The following SATB2 variants were observed in gnomAD, a reference collection of about 807,000 sequenced individuals.
SATB2 encodes the protein SATB homeobox 2, also known as DNA-binding protein SATB2.
SATB2 carries 1 observed loss-of-function variant against 73.4 expected under a neutral mutation model. The ratio of observed to expected loss-of-function variants is 0.01; its 90% confidence interval spans 0.00 to 0.06. SATB2 has a LOEUF of 0.06. Among genes scored for constraint, SATB2 ranks in the 10% least tolerant of loss-of-function variants. The pLI is 1.00. For synonymous variants in SATB2, 397 were observed against 367.0 expected (o/e 1.08, Z -0.93); for missense variants, 459 against 945.8 (o/e 0.49, Z 6.75).
At chr2:199,403,821 CA>C (rs1313884062) in intron 3 of SATB2, among the ~76,000 whole-genome samples, 1 of 152,154 alleles carries the variant, frequency 6.6e-6, no homozygotes, top group Non-Finnish European at 1.5e-5. Flanking sequence ...CAAATTAAAT[CA>C]ATCTGGTCGG....
chr2:199,304,990 T>C (rs1233330063), intron 10 of SATB2, among the ~76,000 whole-genome samples: 1 of 152,094 alleles, frequency 6.6e-6, no homozygotes, highest in East Asian at 1.9e-4. Flanking sequence ...CACTTAAGCA[T>C]GCAAAAAATT....
intron 6 of SATB2, among the ~76,000 whole-genome samples, chr2:199,353,242 C>T (rs951121193): frequency 1.3e-5 from 2 of 148,490 alleles, no homozygotes; most frequent in South Asian, 4.3e-4. Context: ...GCAACCTCCA[C>T]CTCCCAGGTT....
At chr2:199,429,904 C>T (rs951947249) in intron 3 of SATB2, among the ~76,000 whole-genome samples, 3 of 151,960 alleles carry the variant, frequency 2.0e-5, no homozygotes, top group African/African-American at 4.8e-5. Flanking sequence ...AGCGAGACTC[C>T]GTCTCGAAAT....
rs140878661 is a variant in SATB2 at position 199,270,596 on chromosome 2, G to C, written c.*1615C>G. The C allele has an allele frequency of 0.014, 2,112 of 152,182 alleles. 37 individuals are homozygous for C. The highest frequency in any genetic ancestry group is 0.024 in the Non-Finnish European group (1,618 of 67,988). The allele number at this position is 152,182 out of a possible 1,614,324, so 9.4% of individuals were successfully genotyped here. The stretch of plus-strand genomic sequence containing the variant: ...TACGTTCACTAGGCCAGTCCTGAAT[G>C]TGAGGTCTCCTCTTGCAATTACTGT... On this transcript the variant is annotated 3_prime_UTR_variant, in exon 11 of 11. Transcript: ENST00000417098.
At chr2:199,400,932 A>G (rs1488312932) in intron 3 of SATB2, among the ~76,000 whole-genome samples, 1 of 152,226 alleles carries the variant, frequency 6.6e-6, no homozygotes. Flanking sequence ...ATGAGTCGGT[A>G]AGAATTAAAA....
chr2:199,370,400 A>C (rs906150625), intron 5 of SATB2, among the ~76,000 whole-genome samples: 5 of 152,176 alleles, frequency 3.3e-5, no homozygotes, highest in African/African-American at 1.2e-4. Context: ...AAAGTAGCTT[A>C]ATAATAGATG....
At chr2:199,459,006 C>T (rs1692394452), upstream of SATB2, among the ~76,000 whole-genome samples, 1 of 152,078 alleles carries the variant, frequency 6.6e-6, no homozygotes, top group Admixed American at 6.5e-5. The surrounding 1 kb of genome is among the most constrained non-coding windows in gnomAD (Gnocchi z 4.2). Flanking sequence ...ATGGGGGTTG[C>T]GTGGTGGATG....
chr2:199,326,984 G>T (rs545963646), intron 8 of SATB2, among the ~76,000 whole-genome samples: 3 of 152,200 alleles, frequency 2.0e-5, no homozygotes, highest in Non-Finnish European at 1.5e-5. Context: ...GTGAAAAAAT[G>T]GATATACTTG....
At chr2:199,424,465 A>T (rs1691268883) in intron 3 of SATB2, among the ~76,000 whole-genome samples, 1 of 152,226 alleles carries the variant, frequency 6.6e-6, no homozygotes, top group South Asian at 2.1e-4. Flanking sequence ...AAGCTATTTG[A>T]ACTAAGTAAT....
intron 3 of SATB2, among the ~76,000 whole-genome samples, chr2:199,394,750 T>C (rs913559647): frequency 6.6e-6 from 1 of 152,038 alleles, no homozygotes; most frequent in Non-Finnish European, 1.5e-5. Context: ...TAAATAAATA[T>C]AGACAAAAGC....
chr2:199,357,853 T>C (rs1409365190), intron 6 of SATB2, among the ~76,000 whole-genome samples: 1 of 152,148 alleles, frequency 6.6e-6, no homozygotes, highest in African/African-American at 2.4e-5. Context: ...CTTTCTCAGG[T>C]ACCCTATAAA....
chr2:199,411,299 A>G (rs1281840290), intron 3 of SATB2, among the ~76,000 whole-genome samples: 1 of 152,126 alleles, frequency 6.6e-6, no homozygotes, highest in Non-Finnish European at 1.5e-5. Flanking sequence ...AGAATGTACC[A>G]TCCAGAAACT....
rs527354560 is a variant in SATB2 at position 199,380,604 on chromosome 2, A to T, written c.474-117T>A. On this transcript the variant is annotated intron_variant, in intron 4 of 10. Transcript: ENST00000417098. ...GTGGGAGCTTCAGAAGAAATGCTAA[A>T]GAATGGGGTCTAAGTGAAGGAAGGG... 3.0e-4 allele frequency: 383 copies of T among 1,291,666 alleles called. No homozygotes were observed. In the South Asian group the frequency reaches 4.3e-3, roughly 14 times the overall value. 80.0% of individuals were successfully genotyped at this position (1,291,666 alleles called of 1,614,324 possible).
At chr2:199,442,541 AT>A in intron 2 of SATB2, among the ~76,000 whole-genome samples, 1 of 152,284 alleles carries the variant, frequency 6.6e-6, no homozygotes, top group Non-Finnish European at 1.5e-5. Flanking sequence ...GAAAGACAAA[AT>A]GTTTAATGAT....
At chr2:199,426,692 CAAAAAA>C (rs200293007) in intron 3 of SATB2, among the ~76,000 whole-genome samples, 38 of 128,248 alleles carry the variant, frequency 3.0e-4, no homozygotes, top group East Asian at 1.7e-3. Flanking sequence ...CATTCTCTCT[CAAAAAA>C]AAAAAAAAAA....
intron 5 of SATB2, among the ~76,000 whole-genome samples, chr2:199,373,656 G>A (rs1464587070): frequency 6.6e-6 from 1 of 152,126 alleles, no homozygotes; most frequent in Non-Finnish European, 1.5e-5. Context: ...TGTGTAAAAG[G>A]CCTAGCACAA....
At chr2:199,413,218 C>T (rs1690875505) in intron 3 of SATB2, among the ~76,000 whole-genome samples, 2 of 152,138 alleles carry the variant, frequency 1.3e-5, no homozygotes, top group Non-Finnish European at 1.5e-5. Flanking sequence ...CATATGTAAT[C>T]TTTTCTTAGC....
rs1237512066 is a variant in SATB2, at chr2:199,437,672, TC to T, written c.170-4159del. ...AGCCAAAATGCAAACAATATCTACA[TC>T]ATAGATCTGTTGTGAAGATTAAACA... On this transcript the variant is annotated intron_variant, in intron 2 of 10. Transcript: ENST00000417098. Among the ~76,000 whole-genome samples, 10 of 152,300 alleles carry T rather than the reference TC, an allele frequency of 6.6e-5. 1 individual carries two copies. The highest frequency in any genetic ancestry group is 6.8e-3 in the Middle Eastern group (2 of 294).
chr2:199,275,775 CT>C (rs1358146348), intron 10 of SATB2, among the ~76,000 whole-genome samples: 1 of 152,176 alleles, frequency 6.6e-6, no homozygotes, highest in African/African-American at 2.4e-5. Context: ...TAAGTTATAT[CT>C]TCTAGCATCT....
Sources: gnomAD v4.1 joint callset for allele counts (sites outside exome capture counted in the v4.1 genomes callset) on GRCh38, gnomAD v4.1.1 for gene constraint, Gnocchi (gnomAD v3.1) non-coding constraint, MANE v1.5 for transcripts, NCBI Gene and HGNC (gene_info 2026-07-23, HGNC 2026-07-21) for gene names.